The following MID2 variants were observed in gnomAD, a reference collection of about 807,000 sequenced individuals.
MID2 encodes midline 2.
A neutral mutation model predicts 46.1 loss-of-function variants in MID2; 13 were observed. The ratio of observed to expected loss-of-function variants is 0.28; its 90% confidence interval spans 0.18 to 0.45. The LOEUF (loss-of-function observed/expected upper bound fraction) is 0.45. Ranked by LOEUF, MID2 falls within the 20% of genes least tolerant of loss-of-function variation. The pLI, the probability that MID2 is intolerant of heterozygous loss-of-function variation, is 1.00. For missense variants in MID2, 431 were observed against 575.4 expected, an observed-to-expected ratio of 0.75 and a Z score of 2.57; for synonymous variants, 199 against 212.3, an observed-to-expected ratio of 0.94 and a Z score of 0.55.
At chrX:107,899,743 T>G (rs1326102294) in intron 3 of MID2, among the ~76,000 whole-genome samples, 1 of 110,972 alleles carries the variant, frequency 9.0e-6, no homozygotes, top group Non-Finnish European at 1.9e-5. Flanking sequence ...GAGGATAGAT[T>G]TTTTTTCCAC....
At chrX:107,884,594 G>A (rs1471616065) in intron 3 of MID2, among the ~76,000 whole-genome samples, 1 of 112,001 alleles carries the variant, frequency 8.9e-6, no homozygotes, top group African/African-American at 3.2e-5. Flanking sequence ...AGTAGAAATG[G>A]AAACTTAGCA....
chrX:107,918,421 C>G (rs1437899333), intron 7 of MID2, among the ~76,000 whole-genome samples: 1 of 111,661 alleles, frequency 9.0e-6, no homozygotes, highest in African/African-American at 3.3e-5. Flanking sequence ...GAACAGATTC[C>G]CAACCTAAAA....
In MID2 at chrX:107,826,419, G is replaced by A; in HGVS notation, c.-8G>A. The A allele has an allele frequency of 8.8e-7, 1 of 1,138,968 alleles. No individual in the cohort carries two copies. The highest frequency in any genetic ancestry group is 1.2e-6 in the Non-Finnish European group (1 of 860,026). The allele number at this position is 1,138,968 out of a possible 1,213,427, so 93.9% of individuals were successfully genotyped here. On this transcript the variant is annotated 5_prime_UTR_variant, in exon 1 of 10. The change creates a premature stop within an existing upstream ORF in the 5' untranslated region. Coordinates refer to ENST00000262843, the MANE Select transcript of MID2 (RefSeq NM_012216.4). ...GAGCGGAGGAGATGGCTGGCACCTG[G>A]GAACGCTATGGGTAAAACGCGCCCC... is the stretch of plus-strand genomic sequence containing the variant.
intron 5 of MID2, among the ~76,000 whole-genome samples, chrX:107,915,385 C>T (rs1169035573): frequency 9.0e-6 from 1 of 111,074 alleles, no homozygotes; most frequent in East Asian, 2.8e-4. Context: ...GGCAAAATCC[C>T]GTCTCTACTA....
At chrX:107,871,783 T>G (rs5962907) in intron 3 of MID2, among the ~76,000 whole-genome samples, 1,178 of 111,332 alleles carry the variant, frequency 0.011, 24 homozygotes, top group African/African-American at 0.037. Context: ...TCAAGCTGCT[T>G]CTTTCCAACT....
chrX:107,882,408 G>A (rs1932340186), intron 3 of MID2, among the ~76,000 whole-genome samples: 1 of 111,560 alleles, frequency 9.0e-6, no homozygotes, highest in Non-Finnish European at 1.9e-5. Flanking sequence ...TACCATCAGG[G>A]TGAACAGGCA....
rs751865565 is a variant in MID2 at position 107,926,822 on chromosome X, C to T, written c.1957C>T (p.Arg653Cys). Reference sequence around the variant, plus strand: ...GGTGGATGTGCCCCCACACCTGAAGCGTCTGGGTGTCCTCCTGGATTATGA... The same window carrying T: ...GGTGGATGTGCCCCCACACCTGAAGTGTCTGGGTGTCCTCCTGGATTATGA... The part of the protein sequence containing the change: ...MLVDVPPHLK[R>C]LGVLLDYDNN... The change falls in exon 10 of 10, where the codon CGT becomes TGT. Residue 653 changes from arginine to cysteine, a missense_variant. By Grantham distance (180) the Arg-to-Cys change is radical (BLOSUM62 -3). Coordinates refer to ENST00000262843, the MANE Select transcript of MID2 (RefSeq NM_012216.4). The T allele has an allele frequency of 8.3e-7, 1 of 1,209,582 alleles. No homozygotes were observed. Among genetic ancestry groups the T allele is most frequent in the Non-Finnish European group, 1.1e-6 (1 of 894,828 alleles).
chrX:107,887,423 T>A (rs1206730170), intron 3 of MID2, among the ~76,000 whole-genome samples: 3 of 112,014 alleles, frequency 2.7e-5, no homozygotes, highest in Non-Finnish European at 5.6e-5. Context: ...TGCTGGATTA[T>A]GTTTATTGAT....
intron 3 of MID2, among the ~76,000 whole-genome samples, chrX:107,867,794 G>C (rs1931989296): frequency 9.0e-6 from 1 of 111,588 alleles, no homozygotes; most frequent in Non-Finnish European, 1.9e-5. Flanking sequence ...CTGAGGAGCT[G>C]GTGATACCCT....
intron 8 of MID2, among the ~76,000 whole-genome samples, chrX:107,924,705 G>T (rs972299022): frequency 5.4e-5 from 6 of 111,243 alleles, no homozygotes; most frequent in African/African-American, 2.0e-4. Context: ...TGCACAAAAA[G>T]ACTGTTAGCT....
intron 5 of MID2, among the ~76,000 whole-genome samples, chrX:107,914,058 T>G (rs1932930169): frequency 8.9e-6 from 1 of 112,204 alleles, no homozygotes; most frequent in African/African-American, 3.2e-5. Context: ...GAGATTTCCC[T>G]TAGCTCCCAA....
In MID2 at chrX:107,840,852, A is replaced by G. The variant is rs1233554707; in HGVS notation, c.187A>G (p.Ser63Gly). The G allele has an allele frequency of 8.3e-7, 1 of 1,211,774 alleles. No homozygotes were observed. Among genetic ancestry groups the G allele is most frequent in the Admixed American group, 2.2e-5 (1 of 46,031 alleles). The change falls in exon 2 of 10, where the codon AGC becomes GGC. Residue 63 changes from serine (S) to glycine (G), a missense_variant. Coordinates refer to ENST00000262843, the MANE Select transcript of MID2 (RefSeq NM_012216.4). ...CAHRILVSSC[S>G]SGESIEPITA... ...CCATCGCATTTTGGTATCAAGCTGC[A>G]GCTCTGGTGAATCCATTGAACCCAT...
chrX:107,920,089 A>G (rs1340883618), intron 7 of MID2, among the ~76,000 whole-genome samples: 1 of 112,254 alleles, frequency 8.9e-6, no homozygotes, highest in Non-Finnish European at 1.9e-5. Flanking sequence ...AAAATTTTGG[A>G]TGGCAATGAG....
At chrX:107,837,406 G>T (rs2147823638) in intron 1 of MID2, among the ~76,000 whole-genome samples, 1 of 111,213 alleles carries the variant, frequency 9.0e-6, no homozygotes, top group East Asian at 2.8e-4. Flanking sequence ...AGTAATAGAA[G>T]TGCAGTGTGA....
chrX:107,830,549 G>T (rs1005169686), intron 1 of MID2, among the ~76,000 whole-genome samples: 4 of 112,084 alleles, frequency 3.6e-5, no homozygotes, highest in Non-Finnish European at 5.6e-5. Flanking sequence ...GTTGATACTG[G>T]ATATACAACA....
chrX:107,926,443 G>C, intron 9 of MID2, 142 bp downstream of exon 9: 1 of 646,994 alleles, frequency 1.5e-6, no homozygotes, highest in Non-Finnish European at 2.3e-6. Context: ...AAATTTGCCA[G>C]CTTTTTAATA....
intron 2 of MID2, among the ~76,000 whole-genome samples, chrX:107,847,256 C>T (rs1931509640): frequency 8.9e-6 from 1 of 111,903 alleles, no homozygotes. Context: ...AAGGCACAAT[C>T]CCAGTCCTAA....
At chrX:107,841,657 A>G (rs1187861344) in intron 2 of MID2, among the ~76,000 whole-genome samples, 1 of 112,321 alleles carries the variant, frequency 8.9e-6, no homozygotes, top group African/African-American at 3.2e-5. Context: ...CACACCCTCT[A>G]TCTTCTGTCA....
chrX:107,889,356 C>T (rs1429879105), intron 3 of MID2, among the ~76,000 whole-genome samples: 22 of 111,429 alleles, frequency 2.0e-4, no homozygotes, highest in Non-Finnish European at 3.6e-4. Flanking sequence ...TCTGTAAAGG[C>T]TTTTATTTCT....
Sources: gnomAD v4.1 joint callset for allele counts (sites outside exome capture counted in the v4.1 genomes callset) on GRCh38, gnomAD v4.1.1 for gene constraint, MANE v1.5 for transcripts, NCBI Gene and HGNC (gene_info 2026-07-23, HGNC 2026-07-21) for gene names.